DYM: variants seen among roughly 807,000 people sequenced by gnomAD.
DYM encodes the protein dymeclin.
Under a neutral mutation model 93.1 loss-of-function variants are expected in DYM, and 78 were observed. That is an observed-to-expected ratio of 0.84 (90% CI 0.70 to 1.01). DYM has a LOEUF of 1.01. Among genes scored for constraint, DYM ranks in the 50% least tolerant of loss-of-function variants. The pLI is 0.00. For missense variants in DYM, 789 were observed against 845.0 expected (o/e 0.93, Z 0.82); for synonymous variants, 321 against 319.7 (o/e 1.00, Z -0.04).
At chr18:49,167,056 T>G (rs2087993822) in intron 14 of DYM, among the ~76,000 whole-genome samples, 1 of 149,284 alleles carries the variant, frequency 6.7e-6, no homozygotes, top group Non-Finnish European at 1.5e-5. Context: ...CCCCTATTAG[T>G]GCACTATCAG....
chr18:49,202,657 A>C (rs954385485), intron 14 of DYM, among the ~76,000 whole-genome samples: 2 of 103,304 alleles, frequency 1.9e-5, no homozygotes, highest in Admixed American at 1.9e-4. Context: ...CCCATCTGGG[A>C]TGTGAGGAGC....
intron 14 of DYM, among the ~76,000 whole-genome samples, chr18:49,176,793 A>G (rs977129145): frequency 2.0e-5 from 3 of 152,126 alleles, no homozygotes; most frequent in Non-Finnish European, 4.4e-5. Context: ...AATTTATCTA[A>G]AAAGCACTTT....
chr18:49,370,303 A>T (rs2066908122), intron 5 of DYM, among the ~76,000 whole-genome samples: 2 of 150,690 alleles, frequency 1.3e-5, no homozygotes, highest in African/African-American at 4.9e-5. Flanking sequence ...AAAAAAACAA[A>T]ACAGGACTAA....
At chr18:49,148,148 A>T (rs1359789861) in intron 15 of DYM, among the ~76,000 whole-genome samples, 1 of 152,082 alleles carries the variant, frequency 6.6e-6, no homozygotes, top group Non-Finnish European at 1.5e-5. Flanking sequence ...AACAATGAGA[A>T]CACATGGACA....
rs1175085468 is a variant in DYM at position 49,378,650 on chromosome 18, A to C, written c.338T>G (p.Leu113Trp). The C allele has an allele frequency of 3.1e-6, 5 of 1,613,306 alleles. No homozygotes were observed. Among genetic ancestry groups the C allele is most frequent in the Middle Eastern group, 1.6e-4 (1 of 6,072 alleles). ...THNALFIICC[L>W]LKVFICQMSE... ...CATCTGACAGATGAACACTTTCAGCAAACAGCAAATAATAAACAAAGCATT... is the reference window on the plus strand; with the variant it reads ...CATCTGACAGATGAACACTTTCAGCCAACAGCAAATAATAAACAAAGCATT... The change falls in exon 5 of 18, where the codon TTG becomes TGG. Residue 113 changes from leucine to tryptophan, a missense_variant. Leu to Trp is a moderately conservative substitution (Grantham distance 61). Transcript: ENST00000675505.
chr18:49,104,229 A>G (rs930334091), intron 16 of DYM, among the ~76,000 whole-genome samples: 1 of 152,260 alleles, frequency 6.6e-6, no homozygotes, highest in East Asian at 1.9e-4. Flanking sequence ...TTATTGGTGT[A>G]TAAGAATGCT....
At chr18:49,058,205 A>G (rs1175912324) in intron 17 of DYM, among the ~76,000 whole-genome samples, 1 of 152,232 alleles carries the variant, frequency 6.6e-6, no homozygotes, top group African/African-American at 2.4e-5. Flanking sequence ...ACATCTGTAG[A>G]TGAAGCATTT....
chr18:49,120,593 G>C (rs1171344437), intron 15 of DYM, among the ~76,000 whole-genome samples: 1 of 152,106 alleles, frequency 6.6e-6, no homozygotes, highest in Non-Finnish European at 1.5e-5. Context: ...GGATATGAAG[G>C]GCCAACTGTA....
At chr18:49,050,380 C>T (rs1020453006) in intron 17 of DYM, among the ~76,000 whole-genome samples, 9 of 152,002 alleles carry the variant, frequency 5.9e-5, no homozygotes, top group Non-Finnish European at 8.8e-5. Flanking sequence ...CATGAGCCAC[C>T]GCACCCAGTC....
intron 3 of DYM, among the ~76,000 whole-genome samples, chr18:49,380,273 T>G (rs1249557275): frequency 1.3e-5 from 2 of 152,228 alleles, no homozygotes; most frequent in African/African-American, 4.8e-5. Flanking sequence ...AAAGAATTTT[T>G]TTTTAACTTT....
chr18:49,442,762 T>C (rs2081757568), intron 1 of DYM, among the ~76,000 whole-genome samples: 1 of 152,136 alleles, frequency 6.6e-6, no homozygotes, highest in African/African-American at 2.4e-5. Context: ...CACCACAAAC[T>C]ATGGCGTGGT....
At chr18:49,361,789 C>T (rs971829967) in intron 6 of DYM, among the ~76,000 whole-genome samples, 7 of 152,012 alleles carry the variant, frequency 4.6e-5, no homozygotes, top group South Asian at 4.1e-4. Context: ...GGCGTGATCT[C>T]GGCTCACTGC....
chr18:49,201,530 C>T (rs1375437262), intron 14 of DYM, among the ~76,000 whole-genome samples: 1 of 152,176 alleles, frequency 6.6e-6, no homozygotes, highest in Admixed American at 6.5e-5. Flanking sequence ...CAAAATCATA[C>T]ACAAAAAAAG....
intron 17 of DYM, among the ~76,000 whole-genome samples, chr18:49,052,222 A>C (rs545643583): frequency 1.3e-5 from 2 of 152,334 alleles, no homozygotes; most frequent in South Asian, 4.1e-4. Flanking sequence ...AAATCATAAA[A>C]GAATTTTGAG....
chr18:49,116,959 T>G (rs73441521), intron 16 of DYM, among the ~76,000 whole-genome samples: 16,471 of 152,240 alleles, frequency 0.11, 1,190 homozygotes, highest in East Asian at 0.25. Flanking sequence ...GAAGGACATG[T>G]GGCCAGAGAT....
Position 49,040,900 on chromosome 18 carries a change from C to T in DYM, c.*3155G>A, listed in dbSNP as rs1313852954. Among the ~76,000 whole-genome samples the T allele has an allele frequency of 6.6e-6, 1 of 152,232 alleles. No homozygotes were observed. Among genetic ancestry groups the T allele is most frequent in the Non-Finnish European group, 1.5e-5 (1 of 68,046 alleles). ...TTCCAGTGCTTAAAAGTTTCCCTCA[C>T]TAAATATTTCTCTTGGATGTACCTT... is the stretch of plus-strand genomic sequence containing the variant. On this transcript the variant is annotated 3_prime_UTR_variant, in exon 18 of 18. Transcript: ENST00000675505.
chr18:49,417,537 T>A (rs942223266), intron 2 of DYM, among the ~76,000 whole-genome samples: 1 of 150,904 alleles, frequency 6.6e-6, no homozygotes, highest in African/African-American at 2.4e-5. Flanking sequence ...TAAATCCAAT[T>A]AATTTTGGTA....
intron 16 of DYM, among the ~76,000 whole-genome samples, chr18:49,099,511 T>C (rs1326379639): frequency 6.6e-6 from 1 of 152,210 alleles, no homozygotes; most frequent in Non-Finnish European, 1.5e-5. Context: ...TAGTTCTTTA[T>C]AAATCATGCA....
chr18:49,327,006 TGTGTGTG>T, intron 8 of DYM, among the ~76,000 whole-genome samples: 2 of 127,126 alleles, frequency 1.6e-5, no homozygotes, highest in African/African-American at 6.6e-5. Flanking sequence ...TGTGTGTGTG[TGTGTGTG>T]TGTGTGTGTG....
Sources: allele counts gnomAD v4.1 joint callset (sites outside exome capture counted in the v4.1 genomes callset), GRCh38; gene constraint gnomAD v4.1.1; transcripts MANE v1.5; gene names NCBI Gene and HGNC (gene_info 2026-07-23, HGNC 2026-07-21).